AGMO: variants seen among roughly 807,000 people sequenced by gnomAD.
The protein encoded by AGMO is glyceryl-ether monooxygenase.
Under a neutral mutation model 60.2 loss-of-function variants are expected in AGMO, and 75 were observed. The ratio of observed to expected loss-of-function variants is 1.25; its 90% CI spans 1.03 to 1.51. The LOEUF is 1.51. AGMO is among the 40% of genes most tolerant of loss of function. The probability of loss-of-function intolerance (pLI) is 0.00; values close to 1 mark genes in which losing one functional copy is unlikely to be tolerated. For missense variants in AGMO, 763 were observed against 525.5 expected (o/e 1.45, Z -4.42); for synonymous variants, 261 against 177.1 (o/e 1.47, Z -3.76).
chr7:15,239,989 G>A (rs913773403), intron 12 of AGMO, among the ~76,000 whole-genome samples: 24 of 151,956 alleles, frequency 1.6e-4, no homozygotes, highest in African/African-American at 5.1e-4. Context: ...TTTATCTTTT[G>A]TCATTGTTTT....
intron 12 of AGMO, among the ~76,000 whole-genome samples, chr7:15,293,821 C>T (rs1226160949): frequency 6.6e-6 from 1 of 152,158 alleles, no homozygotes; most frequent in African/African-American, 2.4e-5. Flanking sequence ...TCATCATCCC[C>T]AATTTTAAAT....
chr7:15,498,802 CA>C (rs1783302925), intron 3 of AGMO, among the ~76,000 whole-genome samples: 1 of 151,870 alleles, frequency 6.6e-6, no homozygotes, highest in South Asian at 2.1e-4. Context: ...AAATGAGAAA[CA>C]GTGAGAAACG....
chr7:15,251,433 G>A (rs1486788698), intron 12 of AGMO, among the ~76,000 whole-genome samples: 3 of 152,174 alleles, frequency 2.0e-5, no homozygotes, highest in South Asian at 2.1e-4. Context: ...AGAGGGGAGA[G>A]TAAGTCAATG....
At chr7:15,422,596 T>C (rs1780955973) in intron 4 of AGMO, among the ~76,000 whole-genome samples, 1 of 152,128 alleles carries the variant, frequency 6.6e-6, no homozygotes, top group African/African-American at 2.4e-5. Flanking sequence ...AAGTTTTAAA[T>C]ATGTTGAAGA....
At chr7:15,542,748 C>T (rs1422749032) in intron 3 of AGMO, among the ~76,000 whole-genome samples, 1 of 152,088 alleles carries the variant, frequency 6.6e-6, no homozygotes, top group African/African-American at 2.4e-5. Context: ...TATTCTTAAT[C>T]ATGTTTGATT....
chr7:15,361,390 A>G (rs1269298052), intron 12 of AGMO, among the ~76,000 whole-genome samples: 1 of 151,710 alleles, frequency 6.6e-6, no homozygotes, highest in Non-Finnish European at 1.5e-5. Context: ...ATACAAAAAA[A>G]TTAGCCGGGC....
the AGMO span, among the ~76,000 whole-genome samples, chr7:15,177,134 A>T: frequency 6.6e-6 from 1 of 152,152 alleles, no homozygotes; most frequent in African/African-American, 2.4e-5. Flanking sequence ...TTTTTTTTGG[A>T]TCTGAGAATA....
At chr7:15,387,363 T>G in intron 9 of AGMO, 43 bp downstream of exon 9, 2 of 1,598,572 alleles carry the variant, frequency 1.3e-6, no homozygotes, top group East Asian at 2.2e-5. Context: ...CCTGACAATA[T>G]GAGACAATCT....
chr7:15,151,107 G>C, the AGMO span, among the ~76,000 whole-genome samples: 1 of 152,128 alleles, frequency 6.6e-6, no homozygotes, highest in Non-Finnish European at 1.5e-5. Flanking sequence ...CGTGTGCACA[G>C]AAGTGTTCAC....
At chr7:15,337,766 T>C (rs1312895403) in intron 12 of AGMO, among the ~76,000 whole-genome samples, 4 of 152,230 alleles carry the variant, frequency 2.6e-5, no homozygotes, top group Non-Finnish European at 5.9e-5. Flanking sequence ...GTGCAGCGAC[T>C]GCTGAGTCTC....
chr7:15,455,640 T>C (rs1471043046), intron 3 of AGMO, among the ~76,000 whole-genome samples: 1 of 152,144 alleles, frequency 6.6e-6, no homozygotes, highest in Non-Finnish European at 1.5e-5. Flanking sequence ...ATATGTTTAT[T>C]CTATTCACAT....
intron 9 of AGMO, among the ~76,000 whole-genome samples, chr7:15,386,885 TG>T (rs1186875912): frequency 1.3e-5 from 2 of 152,224 alleles, no homozygotes; most frequent in African/African-American, 4.8e-5. Flanking sequence ...TTTTTATTTT[TG>T]GTTTTCAATG....
At chr7:15,257,374 A>G (rs1783128624) in intron 12 of AGMO, among the ~76,000 whole-genome samples, 1 of 152,184 alleles carries the variant, frequency 6.6e-6, no homozygotes, top group South Asian at 2.1e-4. Context: ...TTAATGTAGA[A>G]TAAAATTTTG....
chr7:15,427,610 A>AC (rs1781103487), intron 4 of AGMO, among the ~76,000 whole-genome samples: 1 of 152,220 alleles, frequency 6.6e-6, no homozygotes, highest in African/African-American at 2.4e-5. Context: ...CTATAATGTC[A>AC]GAAAAAATGA....
chr7:15,385,785 A>C (rs1783887072), intron 9 of AGMO, among the ~76,000 whole-genome samples: 1 of 152,220 alleles, frequency 6.6e-6, no homozygotes, highest in Non-Finnish European at 1.5e-5. Context: ...GAACTAATTC[A>C]ACAATATGTG....
chr7:15,134,994 T>TA, the AGMO span, among the ~76,000 whole-genome samples: 2 of 151,958 alleles, frequency 1.3e-5, no homozygotes, highest in African/African-American at 4.8e-5. Context: ...TTACAGATAT[T>TA]AAAAAAACTA....
intron 12 of AGMO, among the ~76,000 whole-genome samples, chr7:15,284,108 A>G (rs1269969940): frequency 6.6e-6 from 1 of 152,144 alleles, no homozygotes; most frequent in African/African-American, 2.4e-5. Flanking sequence ...CTGTAGTGCT[A>G]AATGCCTCCA....
At chr7:15,286,842 G>C (rs1046155025) in intron 12 of AGMO, among the ~76,000 whole-genome samples, 6 of 152,262 alleles carry the variant, frequency 3.9e-5, no homozygotes, top group African/African-American at 1.4e-4. Context: ...ATCAACCAAT[G>C]AGTGGATAAA....
the AGMO span, among the ~76,000 whole-genome samples, chr7:15,177,918 T>C: frequency 6.6e-6 from 1 of 152,160 alleles, no homozygotes; most frequent in Non-Finnish European, 1.5e-5. Context: ...CCACCATATG[T>C]CTCTCAATAA....
Sources: allele counts gnomAD v4.1 joint callset (sites outside exome capture counted in the v4.1 genomes callset), GRCh38; gene constraint gnomAD v4.1.1; transcripts MANE v1.5; gene names NCBI Gene and HGNC (gene_info 2026-07-23, HGNC 2026-07-21).